Variants in C8A observed in about 807,000 individuals in gnomAD.
The protein encoded by C8A is complement component C8 alpha chain.
C8A carries 67 observed loss-of-function variants against 65.3 expected under a neutral mutation model. The observed-to-expected ratio is 1.03, with a 90% CI of 0.84 to 1.26. The LOEUF (loss-of-function observed/expected upper bound fraction) is 1.26, where lower values mean the gene tolerates loss of function less well. Among genes scored for constraint, C8A ranks in the 50% most tolerant of loss-of-function variants. C8A has a pLI of 0.00. For synonymous variants in C8A, 290 were observed against 259.4 expected (o/e 1.12, Z -1.13); for missense variants, 781 against 723.9 (o/e 1.08, Z -0.90).
At chr1:56,900,634 T>C (rs1644419456) in intron 7 of C8A, among the ~76,000 whole-genome samples, 1 of 67,324 alleles carries the variant, frequency 1.5e-5, no homozygotes, top group Non-Finnish European at 2.7e-5. Context: ...AAGTGCTTTA[T>C]AAAATATAGC....
At chr1:56,908,984 A>G (rs1053001385) in intron 9 of C8A, among the ~76,000 whole-genome samples, 8 of 152,216 alleles carry the variant, frequency 5.3e-5, no homozygotes, top group Admixed American at 5.2e-4. Flanking sequence ...TGTTACTGGC[A>G]TCCAGGAGGC....
intron 7 of C8A, among the ~76,000 whole-genome samples, chr1:56,893,289 G>T (rs539361408): frequency 7.2e-4 from 110 of 152,184 alleles, no homozygotes; most frequent in Non-Finnish European, 1.4e-3. Context: ...TACTATTATG[G>T]ATTATAATTT....
At chr1:56,878,533 G>C (rs1215662263) in intron 4 of C8A, among the ~76,000 whole-genome samples, 1 of 152,108 alleles carries the variant, frequency 6.6e-6, no homozygotes, top group Non-Finnish European at 1.5e-5. Context: ...ACTGAAACTG[G>C]TAAAATGGTC....
chr1:56,866,484 T>A lies in C8A; in HGVS notation c.78-1125T>A, dbSNP rs1227170163. Among the ~76,000 whole-genome samples, 83 of 152,178 alleles carry A rather than the reference T, an allele frequency of 5.5e-4. 1 individual carries two copies. The highest frequency in any genetic ancestry group is 2.9e-5 in the Non-Finnish European group (2 of 68,048). On this transcript the variant is annotated intron_variant, in intron 1 of 10. Coordinates refer to ENST00000361249, the MANE Select transcript of C8A (RefSeq NM_000562.3). ...AACCAGAGTTAAAGATAGACAAAAT[T>A]TTCTGAACTATTCCATGGCTCCTTG...
At chr1:56,883,378 C>A in intron 5 of C8A, 103 bp from the exon 6 acceptor site, 3 of 1,021,758 alleles carry the variant, frequency 2.9e-6, no homozygotes, top group Non-Finnish European at 4.4e-6. Flanking sequence ...CTACCATAAT[C>A]TAAAATTTTA....
chr1:56,877,270 C>A (rs894352208), intron 4 of C8A, among the ~76,000 whole-genome samples: 5 of 152,148 alleles, frequency 3.3e-5, no homozygotes, highest in African/African-American at 1.2e-4. Flanking sequence ...TTTGTTGTGG[C>A]AGCCCCTGCA....
intron 2 of C8A, among the ~76,000 whole-genome samples, chr1:56,871,112 G>A (rs1644143473): frequency 6.6e-6 from 1 of 152,168 alleles, no homozygotes; most frequent in Non-Finnish European, 1.5e-5. Flanking sequence ...GATACTATAG[G>A]AAGGATGACA....
At position 56,876,199 on chromosome 1, in the gene C8A, G is replaced by C. The variant is rs942938055; in HGVS notation, c.454G>C (p.Ala152Pro). The change falls in exon 4 of 11, where the codon GCA becomes CCA. Residue 152 changes from alanine (A) to proline (P), a missense_variant. Coordinates refer to ENST00000361249, the MANE Select transcript of C8A (RefSeq NM_000562.3). ...QYEPIPGSQK[A>P]ALGYNILTQE... ...TGAACCAATTCCAGGATCACAGAAG[G>C]CAGCCTTGGGGTGAGGCCCTGCCTA... 1 of 1,613,848 alleles carries C rather than the reference G, an allele frequency of 6.2e-7. No individual in the cohort carries two copies. The highest frequency in any genetic ancestry group is 8.5e-7 in the Non-Finnish European group (1 of 1,179,842).
intron 7 of C8A, among the ~76,000 whole-genome samples, chr1:56,900,416 G>T (rs6661831): frequency 6.6e-6 from 1 of 152,114 alleles, no homozygotes; most frequent in Admixed American, 6.6e-5. Context: ...TATCATTCCC[G>T]TTTTAAAGAT....
chr1:56,855,853 G>C (rs936434335), intron 1 of C8A, among the ~76,000 whole-genome samples: 12 of 152,058 alleles, frequency 7.9e-5, no homozygotes, highest in African/African-American at 2.9e-4. Flanking sequence ...TAACAGTTCA[G>C]AAGGGAGGAA....
At chr1:56,915,588 A>T (rs1156803171) in intron 10 of C8A, among the ~76,000 whole-genome samples, 1 of 152,258 alleles carries the variant, frequency 6.6e-6, no homozygotes, top group Non-Finnish European at 1.5e-5. Flanking sequence ...GAACAGAAAA[A>T]ATAACTAAGC....
intron 2 of C8A, among the ~76,000 whole-genome samples, chr1:56,874,427 G>A (rs1392479945): frequency 1.3e-5 from 2 of 152,186 alleles, no homozygotes; most frequent in Non-Finnish European, 2.9e-5. Context: ...GATGTCTTCT[G>A]AACGTGCCTC....
intron 5 of C8A, among the ~76,000 whole-genome samples, chr1:56,883,125 C>T (rs1644260962): frequency 6.6e-6 from 1 of 152,110 alleles, no homozygotes. Flanking sequence ...CTCACTATTG[C>T]AAAGACAAGC....
chr1:56,877,992 T>A (rs1307060191), intron 4 of C8A, among the ~76,000 whole-genome samples: 1 of 152,172 alleles, frequency 6.6e-6, no homozygotes, highest in Non-Finnish European at 1.5e-5. Flanking sequence ...ACATCCTGAG[T>A]GGCTTAAACA....
In C8A at chr1:56,912,400, CAGA is replaced by C; in HGVS notation, c.1381-2_1381del. The stretch of plus-strand genomic sequence containing the variant: ...GGGCCCTGTGTTCTTTCTGTGCCCA[CAGA>C]TGCAGCCTATCCACGAGGTGCTGCG... On this transcript the variant is annotated splice_acceptor_variant and coding_sequence_variant, in exon 10 of 11. Transcript: ENST00000361249. LOFTEE classifies it high-confidence loss of function. The C allele has an allele frequency of 1.2e-6, 2 of 1,614,068 alleles. No homozygotes were observed.
chr1:56,912,544 CCCAT>C lies in C8A; in HGVS notation c.1525_1528del (p.Ile509SerfsTer103). The C allele has an allele frequency of 6.2e-7, 1 of 1,614,170 alleles. No individual in the cohort carries two copies. Among genetic ancestry groups the C allele is most frequent in the Non-Finnish European group, 8.5e-7 (1 of 1,180,016 alleles). ...TGGGCCTTGCTTCAACAATGGGGTG[CCCAT>C]CCTCGAGGGCACCAGCTGCAGGTGC... On this transcript the variant is annotated frameshift_variant, in exon 10 of 11. Coordinates refer to ENST00000361249, the MANE Select transcript of C8A (RefSeq NM_000562.3). LOFTEE classifies it high-confidence loss of function.
chr1:56,867,851 G>A (rs923867161), intron 2 of C8A, 149 bp downstream of exon 2: 2 of 702,660 alleles, frequency 2.8e-6, no homozygotes, highest in South Asian at 3.1e-5. Flanking sequence ...TACATGGATG[G>A]TGAAACTTGT....
Position 56,886,998 on chromosome 1 carries a change from A to G in C8A, c.1096+831A>G, listed in dbSNP as rs370090077. On this transcript the variant is annotated intron_variant, in intron 7 of 10. Transcript: ENST00000361249. Reference sequence around the variant, plus strand: ...GAATGGGTCCAGCTGTCTGTGTTTTAACATGTTCACCAGGTGATTCTGATG... The same window carrying G: ...GAATGGGTCCAGCTGTCTGTGTTTTGACATGTTCACCAGGTGATTCTGATG... 1.9e-4 allele frequency among the ~76,000 whole-genome samples: 29 copies of G among 152,240 alleles called. No homozygotes were observed. The South Asian group carries it at 5.8e-3, about 31-fold the overall frequency.
rs1644294710 is a variant in C8A at position 56,885,796 on chromosome 1, A to G, written c.856-131A>G. 4.1e-6 allele frequency: 5 copies of G among 1,226,448 alleles called. No individual in the cohort carries two copies. In the South Asian group the frequency reaches 5.0e-5, roughly 12 times the overall value. The allele number at this position is 1,226,448 out of a possible 1,614,324, so 76.0% of individuals were successfully genotyped here. ...CGATCTCCTGACCTTGTGATCCTCCAGCTTCTGCCTCCCAAAATGCTGGGA... is the reference window on the plus strand; with the variant it reads ...CGATCTCCTGACCTTGTGATCCTCCGGCTTCTGCCTCCCAAAATGCTGGGA... On this transcript the variant is annotated intron_variant, in intron 6 of 10. Transcript: ENST00000361249.
Sources: allele counts gnomAD v4.1 joint callset (sites outside exome capture counted in the v4.1 genomes callset), GRCh38; gene constraint gnomAD v4.1.1; transcripts MANE v1.5; gene names NCBI Gene and HGNC (gene_info 2026-07-23, HGNC 2026-07-21).